XPO4: variants seen among roughly 807,000 people sequenced by gnomAD.
XPO4 encodes exportin-4.
XPO4 carries 39 observed loss-of-function variants against 143.0 expected under a neutral mutation model. The observed-to-expected ratio is 0.27, with a 90% CI of 0.21 to 0.36. The LOEUF (loss-of-function observed/expected upper bound fraction) is 0.36, where lower values mean the gene tolerates loss of function less well. Among genes scored for constraint, XPO4 ranks in the 10% least tolerant of loss-of-function variants. The pLI, the probability that XPO4 is intolerant of heterozygous loss-of-function variation, is 1.00. For missense variants in XPO4, 907 were observed against 1,348.0 expected (o/e 0.67, Z 5.12); for synonymous variants, 439 against 474.0 (o/e 0.93, Z 0.96).
rs1317429398 is a variant in XPO4, at chr13:20,790,570, A to G, written c.2808T>C (p.Phe936=). The G allele has an allele frequency of 8.7e-6, 14 of 1,613,678 alleles. No individual in the cohort carries two copies. Among genetic ancestry groups the G allele is most frequent in the Non-Finnish European group, 1.2e-5 (14 of 1,179,752 alleles). Residue 936 remains phenylalanine (F), a synonymous_variant, in exon 19 of 23, where the codon TTT becomes TTC. Coordinates refer to ENST00000255305, the MANE Select transcript of XPO4 (RefSeq NM_022459.5). ...CTGCTTGACCTGGCTCATGTCCTCT[A>G]AACACTTCATCTATTAAAATAAAAG... ...FIDFSDTDEV[F]RGHEPGQAAN...
At chr13:20,894,512 T>C (rs555679092) in intron 1 of XPO4, among the ~76,000 whole-genome samples, 17 of 152,258 alleles carry the variant, frequency 1.1e-4, no homozygotes, top group Admixed American at 5.9e-4. Context: ...ATAAAAATAA[T>C]TGCAGGACAT....
rs1257985785 is a variant in XPO4, at chr13:20,822,058, T to C, written c.998+74A>G. On this transcript the variant is annotated intron_variant, in intron 8 of 22. Coordinates refer to ENST00000255305, the MANE Select transcript of XPO4 (RefSeq NM_022459.5). ...AATATAAGGGGGAAAAAATAACTAG[T>C]TTCTTTTTTTCTTCTACTGTTAAAC... The C allele has an allele frequency of 3.4e-6, 5 of 1,492,200 alleles. No homozygotes were observed. The African/African-American group carries it at 5.6e-5, about 17-fold the overall frequency. 92.4% of individuals were successfully genotyped at this position (1,492,200 alleles called of 1,614,324 possible). A position where few individuals can be genotyped will look rare whatever the true frequency, so the allele number is the denominator to read the frequency against.
chr13:20,836,576 C>T lies in XPO4; in HGVS notation c.727+6319G>A, dbSNP rs2059919245. Among the ~76,000 whole-genome samples the T allele has an allele frequency of 2.0e-5, 3 of 152,186 alleles. No individual in the cohort carries two copies. The South Asian group carries it at 6.2e-4, about 32-fold the overall frequency. The stretch of plus-strand genomic sequence containing the variant: ...CTCTCCCACAACTTTATCTCCACCC[C>T]TAATCTCCCTCTATAATTCTACTAA... On this transcript the variant is annotated intron_variant, in intron 6 of 22. Transcript: ENST00000255305.
chr13:20,879,285 C>T (rs1410119775), intron 1 of XPO4: 16 of 985,056 alleles, frequency 1.6e-5, no homozygotes, highest in South Asian at 4.7e-5. Flanking sequence ...CAAAACAAAC[C>T]GGAAGGAGGG....
At chr13:20,789,768 G>A (rs896231554) in intron 19 of XPO4, among the ~76,000 whole-genome samples, 2 of 151,782 alleles carry the variant, frequency 1.3e-5, no homozygotes, top group East Asian at 1.9e-4. Flanking sequence ...GTGTGCACAC[G>A]CATGCATGCA....
At chr13:20,847,370 G>T (rs1203289135) in intron 4 of XPO4, among the ~76,000 whole-genome samples, 2 of 152,092 alleles carry the variant, frequency 1.3e-5, no homozygotes, top group Non-Finnish European at 2.9e-5. Context: ...CACATTGTGG[G>T]TTGTAATGAA....
At chr13:20,858,940 ATATATATATG>A (rs1235899535) in intron 3 of XPO4, among the ~76,000 whole-genome samples, 3 of 98,890 alleles carry the variant, frequency 3.0e-5, no homozygotes, top group African/African-American at 1.1e-4. Context: ...ATATATATAT[ATATATATATG>A]TGAGCTATTT....
Position 20,809,171 on chromosome 13 carries a change from C to T in XPO4, c.1405G>A (p.Asp469Asn). 6.2e-7 allele frequency: 1 copy of T among 1,614,176 alleles called. No individual in the cohort carries two copies. The highest frequency in any genetic ancestry group is 8.5e-7 in the Non-Finnish European group (1 of 1,180,004). The change falls in exon 11 of 23, where the codon GAT (aspartate) becomes AAT (asparagine). Residue 469 changes from aspartate (D) to asparagine (N), a missense_variant. Transcript: ENST00000255305. ...EEEEISELQE[D>N]DRDQFSDQLA... ...TGATCAGAAAACTGGTCTCGATCAT[C>T]CTCTTGAAGTTCACTTATTTCTTCC... is the stretch of plus-strand genomic sequence containing the variant.
At chr13:20,902,590 C>A in intron 1 of XPO4, 80 bp downstream of exon 1, 1 of 1,426,112 alleles carries the variant, frequency 7.0e-7, no homozygotes, top group Non-Finnish European at 9.2e-7. Flanking sequence ...GTCGCCAGCC[C>A]AGCGAGCAGC....
intron 2 of XPO4, among the ~76,000 whole-genome samples, chr13:20,865,895 A>T (rs1156568924): frequency 6.6e-6 from 1 of 152,220 alleles, no homozygotes; most frequent in African/African-American, 2.4e-5. Context: ...AGCACTACTA[A>T]GGAAACAATT....
chr13:20,788,733 T>C (rs564059082), intron 19 of XPO4, 117 bp from the exon 20 acceptor site: 3 of 1,050,854 alleles, frequency 2.9e-6, no homozygotes, highest in African/African-American at 3.3e-5. Flanking sequence ...CTTTAAAACA[T>C]GTACAAGATA....
chr13:20,894,587 T>C (rs926928499), intron 1 of XPO4, among the ~76,000 whole-genome samples: 10 of 152,230 alleles, frequency 6.6e-5, no homozygotes, highest in African/African-American at 2.4e-4. Flanking sequence ...ACGTCTATAA[T>C]CCCAGCACTT....
chr13:20,850,253 T>C (rs2060070528), intron 4 of XPO4: 1 of 984,326 alleles, frequency 1.0e-6, no homozygotes, highest in East Asian at 1.1e-4. Context: ...AGTGAGAGAC[T>C]ACTAGGGAGA....
At position 20,778,158 on chromosome 13, in the gene XPO4, C is replaced by T. The variant is rs142986523; in HGVS notation, c.*5564G>A. ...GTTATAGATGTGTATTTATTTGGGA[C>T]CTTTGAAATCATCTGTGGGTCTCAA... is the stretch of plus-strand genomic sequence containing the variant. On this transcript the variant is annotated 3_prime_UTR_variant, in exon 23 of 23. Coordinates refer to ENST00000255305, the MANE Select transcript of XPO4 (RefSeq NM_022459.5). The T allele has an allele frequency of 7.9e-4, 121 of 152,240 alleles. 1 individual carries two copies. The highest frequency in any genetic ancestry group is 2.9e-3 in the African/African-American group (119 of 41,546). 9.4% of individuals were successfully genotyped at this position (152,240 alleles called of 1,614,324 possible).
At chr13:20,832,184 A>T (rs916728772) in intron 6 of XPO4, among the ~76,000 whole-genome samples, 9 of 152,186 alleles carry the variant, frequency 5.9e-5, no homozygotes, top group African/African-American at 2.2e-4. Context: ...GGACAGCTTA[A>T]TCGCACCCTG....
chr13:20,853,133 C>G (rs112919228), intron 4 of XPO4: 1 of 703,508 alleles, frequency 1.4e-6, no homozygotes, highest in Non-Finnish European at 1.7e-6. Context: ...GAGTTCGAGA[C>G]CAGCCTAGGC....
At chr13:20,797,192 C>T in intron 16 of XPO4, 135 bp from the exon 17 acceptor site, 1 of 837,374 alleles carries the variant, frequency 1.2e-6, no homozygotes, top group Admixed American at 3.4e-5. Flanking sequence ...AATATCTAAA[C>T]CAGACTTTAC....
At chr13:20,855,847 C>T in intron 3 of XPO4, 82 bp from the exon 4 acceptor site, 3 of 1,360,212 alleles carry the variant, frequency 2.2e-6, no homozygotes, top group Non-Finnish European at 3.0e-6. Context: ...ATGCCTGAAG[C>T]TACTAATAAC....
At position 20,852,435 on chromosome 13, in the gene XPO4, T is replaced by A. The variant is rs1021431923; in HGVS notation, c.456+3192A>T. ...CACTTCTTTTTCCCCAGGCTATCGATGATGACCAACATTGGATAATGCACA... is the reference window on the plus strand; with the variant it reads ...CACTTCTTTTTCCCCAGGCTATCGAAGATGACCAACATTGGATAATGCACA... On this transcript the variant is annotated intron_variant, in intron 4 of 22. Transcript: ENST00000255305. 1.8e-5 allele frequency: 18 copies of A among 985,308 alleles called. No individual in the cohort carries two copies. The Admixed American group carries it at 1.0e-3, about 57-fold the overall frequency. 61.0% of individuals were successfully genotyped at this position (985,308 alleles called of 1,614,324 possible).
Sources: gnomAD v4.1 joint callset for allele counts (sites outside exome capture counted in the v4.1 genomes callset) on GRCh38, gnomAD v4.1.1 for gene constraint, MANE v1.5 for transcripts, NCBI Gene and HGNC (gene_info 2026-07-23, HGNC 2026-07-21) for gene names.